The following PHACTR1 variants were observed in gnomAD, a reference collection of about 807,000 sequenced individuals.
PHACTR1 encodes the protein phosphatase and actin regulator 1, also known as RPEL repeat containing 1.
Under a neutral mutation model 69.2 loss-of-function variants are expected in PHACTR1, and 16 were observed. The ratio of observed to expected loss-of-function variants is 0.23; its 90% CI spans 0.16 to 0.35. PHACTR1 has a LOEUF of 0.35. Ranked by LOEUF, PHACTR1 falls within the 10% of genes least tolerant of loss-of-function variation. PHACTR1 has a pLI of 1.00. For missense variants in PHACTR1, 510 were observed against 734.7 expected, an observed-to-expected ratio of 0.69 and a Z score of 3.54; for synonymous variants, 312 against 284.5, an observed-to-expected ratio of 1.10 and a Z score of -0.97.
intron 5 of PHACTR1, among the ~76,000 whole-genome samples, chr6:13,102,563 G>C (rs766884327): frequency 6.6e-6 from 1 of 152,094 alleles, no homozygotes; most frequent in Non-Finnish European, 1.5e-5. Context: ...GCATATTTTG[G>C]TGTCAATTTT....
chr6:13,183,733 G>C (rs934676542), intron 7 of PHACTR1, among the ~76,000 whole-genome samples: 1 of 152,154 alleles, frequency 6.6e-6, no homozygotes, highest in Admixed American at 6.5e-5. Context: ...ACCCCAGGGA[G>C]GGTTTCCCAA....
intron 4 of PHACTR1, among the ~76,000 whole-genome samples, chr6:12,963,010 T>C (rs1283628663): frequency 2.0e-5 from 3 of 152,012 alleles, no homozygotes; most frequent in African/African-American, 7.2e-5. Context: ...ACATACACAT[T>C]GATTTATATA....
intron 10 of PHACTR1, among the ~76,000 whole-genome samples, chr6:13,261,822 T>C (rs1775948246): frequency 6.6e-6 from 1 of 152,212 alleles, no homozygotes; most frequent in Non-Finnish European, 1.5e-5. Context: ...TTAGGGATTA[T>C]TGTCAGTTAG....
At chr6:12,742,486 G>A (rs148774383) in intron 3 of PHACTR1, among the ~76,000 whole-genome samples, 2,826 of 152,154 alleles carry the variant, frequency 0.019, 78 homozygotes, top group African/African-American at 0.062. Flanking sequence ...ACCACAACCT[G>A]TTTTATCAGC....
At chr6:13,229,966 AC>A (rs983882072) in intron 9 of PHACTR1, 70 bp from the exon 10 acceptor site, 25 of 1,470,380 alleles carry the variant, frequency 1.7e-5, no homozygotes, top group Non-Finnish European at 2.2e-5. Context: ...GTATCTTATG[AC>A]CCAGGGTTGG....
intron 4 of PHACTR1, among the ~76,000 whole-genome samples, chr6:12,890,544 G>A (rs1001034485): frequency 4.6e-5 from 7 of 152,142 alleles, no homozygotes; most frequent in African/African-American, 9.6e-5. Context: ...CCCCTGACTC[G>A]CTTGACCCAG....
At chr6:12,853,521 T>A (rs1272958418) in intron 4 of PHACTR1, among the ~76,000 whole-genome samples, 2 of 152,222 alleles carry the variant, frequency 1.3e-5, no homozygotes. Flanking sequence ...AGAGAGGGTG[T>A]ATTAGTCCGT....
At chr6:13,039,800 A>G (rs972766608) in intron 4 of PHACTR1, among the ~76,000 whole-genome samples, 25 of 152,234 alleles carry the variant, frequency 1.6e-4, no homozygotes, top group African/African-American at 6.0e-4. Context: ...TTGTGCGTAG[A>G]GATTCCCAGG....
At chr6:12,872,266 T>A (rs1782107079) in intron 4 of PHACTR1, among the ~76,000 whole-genome samples, 3 of 152,290 alleles carry the variant, frequency 2.0e-5, no homozygotes, top group Admixed American at 1.3e-4. Flanking sequence ...ATGGATTTGT[T>A]TTTAAATACC....
intron 4 of PHACTR1, among the ~76,000 whole-genome samples, chr6:12,925,698 A>G (rs1313897575): frequency 1.3e-5 from 2 of 152,336 alleles, no homozygotes; most frequent in Non-Finnish European, 2.9e-5. Flanking sequence ...ATAGTTTCCC[A>G]TCTTGCAATT....
intron 4 of PHACTR1, among the ~76,000 whole-genome samples, chr6:12,867,142 G>T (rs1423336878): frequency 2.0e-5 from 3 of 152,088 alleles, no homozygotes; most frequent in Non-Finnish European, 4.4e-5. Context: ...TTAGGCAAAG[G>T]CTCAGTTTTG....
At chr6:12,756,071 G>A (rs1011878601) in intron 4 of PHACTR1, among the ~76,000 whole-genome samples, 19 of 152,086 alleles carry the variant, frequency 1.2e-4, no homozygotes, top group African/African-American at 3.9e-4. Flanking sequence ...ATTTTCATAC[G>A]TAGATTCTAA....
At chr6:12,773,588 A>T (rs570905829) in intron 4 of PHACTR1, among the ~76,000 whole-genome samples, 17 of 152,328 alleles carry the variant, frequency 1.1e-4, no homozygotes, top group African/African-American at 4.1e-4. Flanking sequence ...ATAGAACCAG[A>T]AGGCTGTCAG....
chr6:12,970,570 C>A lies in PHACTR1; in HGVS notation c.251-82795C>A, dbSNP rs1282631420. 2.6e-5 allele frequency among the ~76,000 whole-genome samples: 4 copies of A among 152,140 alleles called. No homozygotes were observed. In the East Asian group the frequency reaches 7.7e-4, roughly 29 times the overall value. ...GGTCAGGAGATCGAGATCATCCTGGCCAACATGAAACCCTGTGTCTACTAA... is the reference window on the plus strand; with the variant it reads ...GGTCAGGAGATCGAGATCATCCTGGACAACATGAAACCCTGTGTCTACTAA... On this transcript the variant is annotated intron_variant, in intron 4 of 14. Transcript: ENST00000332995.
chr6:12,787,215 G>A (rs1477535258), intron 4 of PHACTR1, among the ~76,000 whole-genome samples: 2 of 152,194 alleles, frequency 1.3e-5, no homozygotes, highest in Non-Finnish European at 1.5e-5. Context: ...TTTAATGCCA[G>A]TCTTTTCCAT....
chr6:12,801,539 A>T (rs556381622), intron 4 of PHACTR1, among the ~76,000 whole-genome samples: 1 of 152,202 alleles, frequency 6.6e-6, no homozygotes, highest in Non-Finnish European at 1.5e-5. Context: ...TGCTTGGCTG[A>T]TAGACTATGA....
At chr6:12,930,977 G>T (rs1582550847) in intron 4 of PHACTR1, among the ~76,000 whole-genome samples, 1 of 144,598 alleles carries the variant, frequency 6.9e-6, no homozygotes, top group African/African-American at 2.7e-5. Flanking sequence ...ACTTGAACCT[G>T]GGGAAACAAG....
At chr6:13,110,871 T>G (rs1201175710) in intron 5 of PHACTR1, among the ~76,000 whole-genome samples, 1 of 152,220 alleles carries the variant, frequency 6.6e-6, no homozygotes, top group Non-Finnish European at 1.5e-5. Context: ...GGCTGGAAGC[T>G]GAAATTCTGT....
At chr6:13,160,524 G>T (rs1758837036) in intron 6 of PHACTR1, among the ~76,000 whole-genome samples, 2 of 152,196 alleles carry the variant, frequency 1.3e-5, no homozygotes, top group Non-Finnish European at 2.9e-5. Context: ...ACCACAGGAG[G>T]CTAAGCAAAA....
Sources: allele counts gnomAD v4.1 joint callset (sites outside exome capture counted in the v4.1 genomes callset), GRCh38; gene constraint gnomAD v4.1.1; transcripts MANE v1.5; gene names NCBI Gene and HGNC (gene_info 2026-07-23, HGNC 2026-07-21).